Variants in BRINP3 observed in about 807,000 individuals in gnomAD.
BRINP3 encodes BMP/retinoic acid inducible neural specific 3.
In BRINP3, 19 loss-of-function variants were observed where a neutral mutation model predicts 71.0. That is an observed-to-expected ratio of 0.27 (90% CI 0.19 to 0.39). BRINP3 has a LOEUF of 0.39. BRINP3 is among the 10% of genes least tolerant of loss of function. The pLI is 1.00. For synonymous variants in BRINP3, 380 were observed against 337.7 expected (o/e 1.13, Z -1.37); for missense variants, 959 against 940.8 (o/e 1.02, Z -0.25).
intron 2 of BRINP3, among the ~76,000 whole-genome samples, chr1:190,448,418 C>A (rs919136808): frequency 4.0e-5 from 6 of 150,206 alleles, no homozygotes; most frequent in Non-Finnish European, 8.9e-5. Context: ...GCACTAAATT[C>A]TATATTTAAA....
At chr1:190,206,430 A>C (rs1043640522) in intron 6 of BRINP3, among the ~76,000 whole-genome samples, 1 of 152,072 alleles carries the variant, frequency 6.6e-6, no homozygotes, top group Non-Finnish European at 1.5e-5. Context: ...GTAGAAATAT[A>C]AATATAAATT....
chr1:190,203,065 T>TA (rs1157363111), intron 6 of BRINP3, among the ~76,000 whole-genome samples: 3 of 152,112 alleles, frequency 2.0e-5, no homozygotes, highest in Admixed American at 6.6e-5. Context: ...ATGGAAAATG[T>TA]ATTACCATTT....
intron 6 of BRINP3, among the ~76,000 whole-genome samples, chr1:190,190,462 A>G (rs2102570647): frequency 6.6e-6 from 1 of 152,246 alleles, no homozygotes; most frequent in African/African-American, 2.4e-5. Context: ...GTCTTCTTAA[A>G]GGTACATTTG....
At chr1:190,301,204 C>CATATATATATATATATATAT (rs369121473) in intron 2 of BRINP3, among the ~76,000 whole-genome samples, 7 of 106,334 alleles carry the variant, frequency 6.6e-5, no homozygotes, top group Admixed American at 2.2e-4. Context: ...TATACACATA[C>CATATATATATATATATATAT]ATATATATAT....
At chr1:190,218,518 G>A (rs10920661) in intron 6 of BRINP3, among the ~76,000 whole-genome samples, 58,460 of 151,838 alleles carry the variant, frequency 0.39, 12,644 homozygotes, top group Non-Finnish European at 0.49. Context: ...ATATAATGAA[G>A]AATGAGTAAT....
intron 3 of BRINP3, among the ~76,000 whole-genome samples, chr1:190,280,010 C>T (rs574879510): frequency 3.4e-4 from 52 of 151,738 alleles, no homozygotes; most frequent in African/African-American, 1.2e-3. Flanking sequence ...AAGTGGTGAC[C>T]AATATAGCTA....
At chr1:190,190,495 G>C (rs1481994144) in intron 6 of BRINP3, among the ~76,000 whole-genome samples, 2 of 152,048 alleles carry the variant, frequency 1.3e-5, no homozygotes, top group African/African-American at 4.8e-5. Context: ...TGTTCAAACT[G>C]ATGTTTCTGC....
intron 4 of BRINP3, among the ~76,000 whole-genome samples, chr1:190,238,931 G>A (rs1329138324): frequency 2.0e-5 from 3 of 152,104 alleles, no homozygotes; most frequent in African/African-American, 7.2e-5. Flanking sequence ...AATTTATAAA[G>A]GAAATAGGTT....
intron 6 of BRINP3, among the ~76,000 whole-genome samples, chr1:190,168,650 T>C (rs950017312): frequency 2.0e-5 from 3 of 152,164 alleles, no homozygotes; most frequent in Admixed American, 1.3e-4. Context: ...CTGCTTAAAG[T>C]ATAAATCTAG....
chr1:190,396,853 T>C (rs1389656206), intron 2 of BRINP3, among the ~76,000 whole-genome samples: 1 of 147,794 alleles, frequency 6.8e-6, no homozygotes, highest in South Asian at 2.2e-4. Flanking sequence ...GACAACCAAA[T>C]TGATGTACAG....
intron 2 of BRINP3, among the ~76,000 whole-genome samples, chr1:190,351,677 T>C (rs1668395156): frequency 6.6e-6 from 1 of 152,126 alleles, no homozygotes. Context: ...AACTAAGGTT[T>C]CTATTAATTT....
rs545354298 is a variant in BRINP3, at chr1:190,306,282, A to T, written c.237-24532T>A. Among the ~76,000 whole-genome samples, 20 of 151,966 alleles carry T rather than the reference A, an allele frequency of 1.3e-4. No individual in the cohort carries two copies. The South Asian group carries it at 3.9e-3, about 30-fold the overall frequency. On this transcript the variant is annotated intron_variant, in intron 2 of 7. Coordinates refer to ENST00000367462, the MANE Select transcript of BRINP3 (RefSeq NM_199051.3). ...ATTTTAATTTCTGAGCAGAAGAGCA[A>T]CATACTCTAAAGGAAATGAAAGAAG... is the stretch of plus-strand genomic sequence containing the variant.
chr1:190,221,232 C>T (rs1656864293), intron 6 of BRINP3, among the ~76,000 whole-genome samples: 1 of 151,910 alleles, frequency 6.6e-6, no homozygotes, highest in Non-Finnish European at 1.5e-5. Context: ...AAACAAACAA[C>T]AAAAAAAGTA....
At chr1:190,429,455 T>A (rs2102498408) in intron 2 of BRINP3, among the ~76,000 whole-genome samples, 2 of 152,300 alleles carry the variant, frequency 1.3e-5, no homozygotes, top group South Asian at 4.1e-4. Flanking sequence ...CAAAATGAGA[T>A]GAAAACTTAC....
intron 7 of BRINP3, among the ~76,000 whole-genome samples, chr1:190,160,183 A>C (rs1344231907): frequency 2.0e-5 from 3 of 152,010 alleles, no homozygotes; most frequent in Non-Finnish European, 4.4e-5. Flanking sequence ...ATTCCTATTA[A>C]ATTTTAGAAG....
At chr1:190,361,141 C>A (rs181837993) in intron 2 of BRINP3, among the ~76,000 whole-genome samples, 59 of 151,810 alleles carry the variant, frequency 3.9e-4, no homozygotes, top group African/African-American at 1.4e-3. Context: ...TTGACAGGGA[C>A]AAGCAGGAAT....
At chr1:190,444,407 G>T (rs982799593) in intron 2 of BRINP3, among the ~76,000 whole-genome samples, 1 of 151,560 alleles carries the variant, frequency 6.6e-6, no homozygotes, top group Non-Finnish European at 1.5e-5. Flanking sequence ...AAATTTCAGA[G>T]AACTTTTCTT....
intron 2 of BRINP3, among the ~76,000 whole-genome samples, chr1:190,305,983 C>T (rs1665069076): frequency 6.6e-6 from 1 of 151,708 alleles, no homozygotes; most frequent in Non-Finnish European, 1.5e-5. Flanking sequence ...CATGCACATA[C>T]TTATAACAAT....
At chr1:190,215,847 T>C (rs1656366446) in intron 6 of BRINP3, among the ~76,000 whole-genome samples, 1 of 151,942 alleles carries the variant, frequency 6.6e-6, no homozygotes, top group Non-Finnish European at 1.5e-5. Context: ...TTAGATATTC[T>C]ATATGCCAAG....
Sources: allele counts gnomAD v4.1 joint callset (sites outside exome capture counted in the v4.1 genomes callset), GRCh38; gene constraint gnomAD v4.1.1; transcripts MANE v1.5; gene names NCBI Gene and HGNC (gene_info 2026-07-23, HGNC 2026-07-21).